The following VAV2 variants were observed in gnomAD, a reference collection of about 807,000 sequenced individuals.
VAV2 encodes the protein vav guanine nucleotide exchange factor 2.
In VAV2, 67 loss-of-function variants were observed where a neutral mutation model predicts 132.5. The observed-to-expected ratio is 0.51, with a 90% confidence interval of 0.42 to 0.62. The LOEUF (loss-of-function observed/expected upper bound fraction) is 0.62, where lower values mean the gene tolerates loss of function less well. Ranked by LOEUF, VAV2 falls within the 20% of genes least tolerant of loss-of-function variation. VAV2 has a pLI of 0.00. For synonymous variants in VAV2, 492 were observed against 443.5 expected (o/e 1.11, Z -1.37); for missense variants, 938 against 1,153.6 (o/e 0.81, Z 2.71).
intron 26 of VAV2, among the ~76,000 whole-genome samples, chr9:133,771,218 C>T (rs1248337816): frequency 6.6e-6 from 1 of 152,110 alleles, no homozygotes; most frequent in African/African-American, 2.4e-5. Flanking sequence ...CGTGTGCCAC[C>T]ATGCCCGGCT....
intron 1 of VAV2, among the ~76,000 whole-genome samples, chr9:133,988,235 C>A (rs146120986): frequency 1.3e-5 from 2 of 150,426 alleles, no homozygotes; most frequent in African/African-American, 4.9e-5. Context: ...ACCCACCCCC[C>A]ACCCCTGCCA....
At chr9:133,827,311 AGCT>A (rs1277949589) in intron 4 of VAV2, among the ~76,000 whole-genome samples, 19 of 12,462 alleles carry the variant, frequency 1.5e-3, no homozygotes, top group East Asian at 6.8e-3. Flanking sequence ...GGGCATCGCC[AGCT>A]ACTGCTGTGC....
chr9:133,920,245 G>A (rs1044626368), intron 2 of VAV2, among the ~76,000 whole-genome samples: 2 of 152,228 alleles, frequency 1.3e-5, no homozygotes, highest in Admixed American at 6.5e-5. Context: ...GAGAGAGTCC[G>A]GGCTCTGCCT....
At chr9:133,869,256 G>A (rs1053037121) in intron 2 of VAV2, among the ~76,000 whole-genome samples, 7 of 151,996 alleles carry the variant, frequency 4.6e-5, no homozygotes, top group African/African-American at 7.3e-5. Flanking sequence ...CCAAAGTGCC[G>A]GGATTACAGG....
chr9:133,952,635 G>T (rs1841600445), intron 1 of VAV2, among the ~76,000 whole-genome samples: 1 of 151,756 alleles, frequency 6.6e-6, no homozygotes, highest in African/African-American at 2.4e-5. Context: ...AGGCTCTCGA[G>T]ATAAGATAAT....
Position 133,769,474 on chromosome 9 carries a change from G to C in VAV2, c.2377C>G (p.Leu793Val), listed in dbSNP as rs777028727. 13 of 1,612,978 alleles carry C rather than the reference G, an allele frequency of 8.1e-6. No homozygotes were observed. In the Admixed American group the frequency reaches 1.7e-4, roughly 21 times the overall value. ...ASCASYNFSFLSPQGLSFASQ... is the reference protein window; with the variant it reads ...ASCASYNFSFVSPQGLSFASQ... ...GCAAAGCTGAGGCCCTGAGGACTGA[G>C]AAAAGAAAAGTTGTAGGAAGCACAG... Residue 793 changes from leucine (L) to valine (V), a missense_variant, in exon 28 of 30, where the codon CTC (leucine) becomes GTC (valine). By Grantham distance (32) the Leu-to-Val change is conservative. Coordinates refer to ENST00000371850, the MANE Select transcript of VAV2 (RefSeq NM_001134398.2). This position sits in a 1 kb window ranked among gnomAD's most constrained non-coding sequence, Gnocchi z 8.1.
chr9:133,798,016 G>A (rs938216838), intron 9 of VAV2, among the ~76,000 whole-genome samples: 4 of 152,192 alleles, frequency 2.6e-5, no homozygotes, highest in African/African-American at 4.8e-5. Context: ...GGCTGCCGGC[G>A]TGCTGGGAGA....
rs772644107 is a variant in VAV2 at position 133,785,826 on chromosome 9, G to A, written c.1482C>T (p.Cys494=). ...ACTTCCTCTTCATATCTTCTGTTTT[G>A]CAGAAAAACTGGAAGCCCTGCTTTC... ...LQGKQGFQFF[C]KTEDMKRKWM... The change falls in exon 17 of 30, where the codon TGC becomes TGT. Residue 494 remains cysteine (C), a synonymous_variant. Coordinates refer to ENST00000371850, the MANE Select transcript of VAV2 (RefSeq NM_001134398.2). 6.2e-7 allele frequency: 1 copy of A among 1,613,960 alleles called. No homozygotes were observed. The highest frequency in any genetic ancestry group is 1.3e-5 in the African/African-American group (1 of 74,926).
intron 23 of VAV2, among the ~76,000 whole-genome samples, chr9:133,776,535 T>C (rs966765561): frequency 2.0e-5 from 3 of 152,000 alleles, no homozygotes; most frequent in Non-Finnish European, 2.9e-5. Flanking sequence ...CTGGCCTCAC[T>C]GGGCCACAGG....
chr9:133,806,568 C>G (rs918998488), intron 8 of VAV2, among the ~76,000 whole-genome samples: 6 of 149,764 alleles, frequency 4.0e-5, no homozygotes, highest in African/African-American at 1.5e-4. Context: ...CTCTTTCTGT[C>G]TGTGCTCCTC....
intron 1 of VAV2, among the ~76,000 whole-genome samples, chr9:133,945,330 T>C (rs574247022): frequency 6.6e-6 from 1 of 152,192 alleles, no homozygotes; most frequent in Non-Finnish European, 1.5e-5. Flanking sequence ...GCCTTTGGGC[T>C]TGAGGGGCAG....
chr9:133,837,286 T>C (rs1836507675), intron 3 of VAV2, among the ~76,000 whole-genome samples: 1 of 152,222 alleles, frequency 6.6e-6, no homozygotes, highest in South Asian at 2.1e-4. Flanking sequence ...CCAAGAAAAC[T>C]GCCTTCTGAT....
rs1240582086 is a variant in VAV2 at position 133,763,906 on chromosome 9, G to A, written c.*156C>T. On this transcript the variant is annotated 3_prime_UTR_variant, in exon 30 of 30. Coordinates refer to ENST00000371850, the MANE Select transcript of VAV2 (RefSeq NM_001134398.2). This position sits in a 1 kb window ranked among gnomAD's most constrained non-coding sequence, Gnocchi z 6.8. ...GGGCAGGCTGACAGTGAAACGGTTC[G>A]AGTTTAGGATTCTCAACACCCTCCC... 2.5e-5 allele frequency: 22 copies of A among 873,896 alleles called. No homozygotes were observed. Among genetic ancestry groups the A allele is most frequent in the African/African-American group, 5.0e-5 (3 of 59,662 alleles). The allele number at this position is 873,896 out of a possible 1,614,324, so 54.1% of individuals were successfully genotyped here.
chr9:133,893,048 G>C (rs1380577426), intron 2 of VAV2, among the ~76,000 whole-genome samples: 2 of 152,198 alleles, frequency 1.3e-5, no homozygotes, highest in African/African-American at 4.8e-5. Flanking sequence ...CCTTAGACAC[G>C]CAGTAAGGCG....
intron 2 of VAV2, among the ~76,000 whole-genome samples, chr9:133,911,196 G>GA (rs1444398657): frequency 6.6e-6 from 1 of 152,208 alleles, no homozygotes; most frequent in Non-Finnish European, 1.5e-5. Flanking sequence ...AACTAAAAAG[G>GA]AAAGAGCCTG....
intron 2 of VAV2, among the ~76,000 whole-genome samples, chr9:133,908,851 T>G (rs113670299): frequency 1.5e-3 from 234 of 152,312 alleles, no homozygotes; most frequent in Middle Eastern, 6.8e-3. Flanking sequence ...CCTGCAGTTC[T>G]GAAAATGTGT....
rs1304796585 is a variant in VAV2 at position 133,840,180 on chromosome 9, G to A, written c.381-5840C>T. On this transcript the variant is annotated intron_variant, in intron 3 of 29. Transcript: ENST00000371850. This position sits in a 1 kb window ranked among gnomAD's most constrained non-coding sequence, Gnocchi z 4.5. ...CAGTCATCCTGGCTCCCCAGGGGCG[G>A]CTGCATCCCTCTCCTCCCACCAGAG... 6.6e-6 allele frequency among the ~76,000 whole-genome samples: 1 copy of A among 152,192 alleles called. No individual in the cohort carries two copies. Among genetic ancestry groups the A allele is most frequent in the Non-Finnish European group, 1.5e-5 (1 of 68,030 alleles).
At chr9:133,867,082 T>C (rs963588655) in intron 2 of VAV2, among the ~76,000 whole-genome samples, 1 of 152,248 alleles carries the variant, frequency 6.6e-6, no homozygotes, top group East Asian at 1.9e-4. Context: ...GACACGCCCC[T>C]GCAGGGGACA....
intron 9 of VAV2, among the ~76,000 whole-genome samples, chr9:133,803,095 C>A (rs1193931194): frequency 6.6e-6 from 1 of 152,058 alleles, no homozygotes; most frequent in African/African-American, 2.4e-5. Context: ...CGGGTAGGAA[C>A]CATCCACAGG....
Sources: allele counts gnomAD v4.1 joint callset (sites outside exome capture counted in the v4.1 genomes callset), GRCh38; gene constraint gnomAD v4.1.1; non-coding constraint Gnocchi (gnomAD v3.1); transcripts MANE v1.5; gene names NCBI Gene and HGNC (gene_info 2026-07-23, HGNC 2026-07-21).